Variants in B4GALT1 observed in about 807,000 individuals in gnomAD.
B4GALT1 encodes the protein beta-1,4-galactosyltransferase 1.
In B4GALT1, 16 loss-of-function variants were observed where a neutral mutation model predicts 34.9. The observed-to-expected ratio is 0.46, with a 90% CI of 0.31 to 0.70. The LOEUF is 0.70. B4GALT1 is among the 30% of genes least tolerant of loss of function. B4GALT1 has a pLI of 0.05. For missense variants in B4GALT1, 445 were observed against 530.5 expected (o/e 0.84, Z 1.58); for synonymous variants, 221 against 218.1 (o/e 1.01, Z -0.12).
intron 2 of B4GALT1, among the ~76,000 whole-genome samples, chr9:33,126,049 G>T (rs1000343113): frequency 6.6e-6 from 1 of 152,154 alleles, no homozygotes; most frequent in African/African-American, 2.4e-5. Flanking sequence ...CTATACACAT[G>T]CCCTGGCTCA....
intron 1 of B4GALT1, among the ~76,000 whole-genome samples, chr9:33,138,282 T>G (rs1840300113): frequency 6.6e-6 from 1 of 152,178 alleles, no homozygotes; most frequent in Non-Finnish European, 1.5e-5. Flanking sequence ...CCAGATGATC[T>G]TTGGTATCCT....
chr9:33,143,519 CAAG>C (rs1184344080), intron 1 of B4GALT1, among the ~76,000 whole-genome samples: 3 of 152,236 alleles, frequency 2.0e-5, no homozygotes, highest in Non-Finnish European at 4.4e-5. Flanking sequence ...CTGTGCAGTG[CAAG>C]AAGAATCATC....
chr9:33,137,532 G>C (rs1840288632), intron 1 of B4GALT1, among the ~76,000 whole-genome samples: 1 of 152,168 alleles, frequency 6.6e-6, no homozygotes, highest in Admixed American at 6.5e-5. Flanking sequence ...CAGGCACTGT[G>C]CTCTTCAGAG....
the B4GALT1 span, among the ~76,000 whole-genome samples, chr9:33,175,603 C>G: frequency 6.6e-6 from 1 of 152,144 alleles, no homozygotes; most frequent in Non-Finnish European, 1.5e-5. Context: ...TACATGTATA[C>G]TATTTTTTAT....
intron 1 of B4GALT1, among the ~76,000 whole-genome samples, chr9:33,157,120 C>CTACA (rs1840607142): frequency 3.2e-5 from 1 of 30,944 alleles, no homozygotes; most frequent in Non-Finnish European, 6.3e-5. Context: ...GCATAGGGAA[C>CTACA]TACACACACA....
intron 1 of B4GALT1, among the ~76,000 whole-genome samples, chr9:33,158,707 A>C (rs1840632943): frequency 6.6e-6 from 1 of 152,174 alleles, no homozygotes. Flanking sequence ...GCCCTGGCCC[A>C]GACCACCCAT....
At chr9:33,127,790 A>G (rs2118108395) in intron 2 of B4GALT1, among the ~76,000 whole-genome samples, 1 of 152,370 alleles carries the variant, frequency 6.6e-6, no homozygotes, top group African/African-American at 2.4e-5. Context: ...GCAGGATACA[A>G]AAGTTTATAC....
At chr9:33,152,366 TAACA>T (rs67513620) in intron 1 of B4GALT1, among the ~76,000 whole-genome samples, 40,968 of 128,996 alleles carry the variant, frequency 0.32, 6,160 homozygotes, top group East Asian at 0.62. Context: ...TAACATAACA[TAACA>T]ACTTCTACAT....
intron 1 of B4GALT1, among the ~76,000 whole-genome samples, chr9:33,162,774 T>C (rs1430854544): frequency 6.6e-6 from 1 of 152,192 alleles, no homozygotes; most frequent in African/African-American, 2.4e-5. Context: ...CCACTGCAGG[T>C]GGAGGCGGTG....
Position 33,113,815 on chromosome 9 carries a change from G to A in B4GALT1, c.1023C>T (p.Ile341=), listed in dbSNP as rs1200454981. 4.3e-6 allele frequency: 7 copies of A among 1,614,172 alleles called. No homozygotes were observed. The highest frequency in any genetic ancestry group is 5.1e-6 in the Non-Finnish European group (6 of 1,180,036). ...PNAVVGRCRM[I]RHSRDKKNEP... Reference sequence around the variant, plus strand: ...CATTTTTCTTGTCTCTTGAGTGGCGGATCATGCGACACCTCCCGACCACAG... The same window carrying A: ...CATTTTTCTTGTCTCTTGAGTGGCGAATCATGCGACACCTCCCGACCACAG... The change falls in exon 5 of 6, where the codon ATC becomes ATT. Residue 341 remains isoleucine (I), a synonymous_variant. Coordinates refer to ENST00000379731, the MANE Select transcript of B4GALT1 (RefSeq NM_001497.4).
the B4GALT1 span, among the ~76,000 whole-genome samples, chr9:33,181,453 C>CACAA: frequency 0.024 from 3,584 of 151,188 alleles, 257 homozygotes; most frequent in African/African-American, 0.084. Context: ...CACACACACA[C>CACAA]ACACACAAAC....
At chr9:33,154,763 C>A (rs1057000213) in intron 1 of B4GALT1, among the ~76,000 whole-genome samples, 1 of 152,150 alleles carries the variant, frequency 6.6e-6, no homozygotes, top group Non-Finnish European at 1.5e-5. Context: ...AACCGATGGC[C>A]CATGGGCCAC....
At chr9:33,126,662 A>ATTGTTAACATTGTTAACTATTGTTAAGC in intron 2 of B4GALT1, among the ~76,000 whole-genome samples, 1 of 45,224 alleles carries the variant, frequency 2.2e-5, no homozygotes, top group Admixed American at 2.8e-4. Context: ...TAACCATAGC[A>ATTGTTAACATTGTTAACTATTGTTAAGC]ATATGGTAGC....
chr9:33,184,287 C>CACACAA, the B4GALT1 span, among the ~76,000 whole-genome samples: 13 of 142,784 alleles, frequency 9.1e-5, no homozygotes, highest in South Asian at 7.0e-4. Context: ...CACACACACA[C>CACACAA]AAAAACATAG....
At chr9:33,149,671 T>C (rs1359531641) in intron 1 of B4GALT1, among the ~76,000 whole-genome samples, 1 of 152,184 alleles carries the variant, frequency 6.6e-6, no homozygotes. Context: ...AGGTTCACAC[T>C]GCCAATAAGG....
chr9:33,132,066 G>A (rs1050142080), intron 2 of B4GALT1, among the ~76,000 whole-genome samples: 2 of 151,400 alleles, frequency 1.3e-5, no homozygotes, highest in East Asian at 1.9e-4. Flanking sequence ...CTCCTAAGGT[G>A]GAAAGTTAAC....
intron 3 of B4GALT1, among the ~76,000 whole-genome samples, chr9:33,119,808 A>G (rs1006377647): frequency 6.6e-6 from 1 of 152,200 alleles, no homozygotes; most frequent in Non-Finnish European, 1.5e-5. Context: ...ACTTTCCAAA[A>G]CTTGTGGGGC....
At chr9:33,172,029 C>T (rs187082997), upstream of B4GALT1, among the ~76,000 whole-genome samples, 285 of 152,336 alleles carry the variant, frequency 1.9e-3, no homozygotes, top group Non-Finnish European at 7.9e-4. Flanking sequence ...AAAGTATTGT[C>T]TAAATCAGAT....
chr9:33,157,063 T>TACACACACACAC (rs371027641), intron 1 of B4GALT1, among the ~76,000 whole-genome samples: 1,686 of 87,282 alleles, frequency 0.019, 240 homozygotes, highest in African/African-American at 0.072. Context: ...CATAGGGAAC[T>TACACACACACAC]ACACACACAC....
Sources: gnomAD v4.1 joint callset for allele counts (sites outside exome capture counted in the v4.1 genomes callset) on GRCh38, gnomAD v4.1.1 for gene constraint, MANE v1.5 for transcripts, NCBI Gene and HGNC (gene_info 2026-07-23, HGNC 2026-07-21) for gene names.